NAALADL2: variants seen among roughly 807,000 people sequenced by gnomAD.
NAALADL2 encodes inactive N-acetylated-alpha-linked acidic dipeptidase-like protein 2.
Under a neutral mutation model 87.2 loss-of-function variants are expected in NAALADL2, and 76 were observed. That is an observed-to-expected ratio of 0.87 (90% CI 0.72 to 1.05). The LOEUF (loss-of-function observed/expected upper bound fraction) is 1.05. Ranked by LOEUF, NAALADL2 falls within the 50% of genes least tolerant of loss-of-function variation. NAALADL2 has a pLI of 0.00. For missense variants in NAALADL2, 1,089 were observed against 945.8 expected (o/e 1.15, Z -1.99); for synonymous variants, 354 against 331.0 (o/e 1.07, Z -0.75).
At chr3:175,629,417 A>G (rs1727461842) in intron 11 of NAALADL2, among the ~76,000 whole-genome samples, 1 of 150,508 alleles carries the variant, frequency 6.6e-6, no homozygotes, top group African/African-American at 2.4e-5. Flanking sequence ...ATGAATATAT[A>G]TATTTGTTCA....
At chr3:174,927,532 C>G (rs1295059328) in intron 1 of NAALADL2, among the ~76,000 whole-genome samples, 5 of 152,126 alleles carry the variant, frequency 3.3e-5, no homozygotes, top group Non-Finnish European at 7.3e-5. Flanking sequence ...CACAATCAAA[C>G]TAGAACTCAG....
chr3:174,619,245 G>T (rs1455386115), intron 2 of NAALADL2, among the ~76,000 whole-genome samples: 1 of 151,926 alleles, frequency 6.6e-6, no homozygotes, highest in Non-Finnish European at 1.5e-5. Flanking sequence ...GGTCTGAGCA[G>T]GGTTTTCATT....
chr3:174,555,547 G>C (rs1457817246), intron 2 of NAALADL2, among the ~76,000 whole-genome samples: 2 of 152,024 alleles, frequency 1.3e-5, no homozygotes, highest in Non-Finnish European at 2.9e-5. Context: ...TGGTCCGCCG[G>C]CCTTGGCCTC....
At chr3:174,595,337 T>C (rs1177634575) in intron 2 of NAALADL2, among the ~76,000 whole-genome samples, 1 of 152,176 alleles carries the variant, frequency 6.6e-6, no homozygotes, top group Non-Finnish European at 1.5e-5. Flanking sequence ...CTAGAGAAAG[T>C]AGAATAAGTT....
intron 5 of NAALADL2, among the ~76,000 whole-genome samples, chr3:175,445,335 A>G (rs1434283602): frequency 6.6e-6 from 1 of 152,086 alleles, no homozygotes; most frequent in African/African-American, 2.4e-5. Context: ...TAGTTCATGT[A>G]AATAGTCAAA....
At chr3:174,671,871 T>C (rs1375941136) in intron 2 of NAALADL2, among the ~76,000 whole-genome samples, 2 of 151,998 alleles carry the variant, frequency 1.3e-5, no homozygotes, top group Non-Finnish European at 2.9e-5. Context: ...GATGGTCAAA[T>C]GAAATAATTC....
At chr3:175,015,748 A>G (rs1750728711) in intron 1 of NAALADL2, among the ~76,000 whole-genome samples, 1 of 152,112 alleles carries the variant, frequency 6.6e-6, no homozygotes, top group African/African-American at 2.4e-5. Context: ...AAATAGAATA[A>G]CTTATTTTGA....
intron 9 of NAALADL2, among the ~76,000 whole-genome samples, chr3:175,474,745 C>T (rs1002228181): frequency 6.6e-6 from 1 of 151,874 alleles, no homozygotes; most frequent in Non-Finnish European, 1.5e-5. Flanking sequence ...TTCCCTACCT[C>T]TTCAGTGCCT....
intron 2 of NAALADL2, among the ~76,000 whole-genome samples, chr3:175,117,815 C>G (rs765625772): frequency 6.6e-6 from 1 of 151,978 alleles, no homozygotes; most frequent in African/African-American, 2.4e-5. Flanking sequence ...CATGTGCACA[C>G]GTATGTTTAT....
In NAALADL2 at chr3:174,851,438, C is replaced by T. The variant is rs548650963; in HGVS notation, c.-9+113692C>T. Among the ~76,000 whole-genome samples the T allele has an allele frequency of 8.7e-5, 13 of 150,028 alleles. No individual in the cohort carries two copies. In the South Asian group the frequency reaches 1.3e-3, roughly 15 times the overall value. ...GAGTTGAAAAAGGAGACATTACAACCGATAGCTAAGAAATTCAAAAGATTG... is the reference window on the plus strand; with the variant it reads ...GAGTTGAAAAAGGAGACATTACAACTGATAGCTAAGAAATTCAAAAGATTG... On this transcript the variant is annotated intron_variant, in intron 3 of 3. Transcript: ENST00000434257.
Position 175,463,439 on chromosome 3 carries a change from A to C in NAALADL2, c.1273A>C (p.Lys425Gln). Reference protein sequence around the residue: ...VVSMQVQTVTKLKTVTNVVGF... With the variant: ...VVSMQVQTVTQLKTVTNVVGF... ...CAGCATGCAAGTTCAGACAGTCACA[A>C]AATTGAAAACAGTTACTAATGTTGT... The change falls in exon 7 of 14, where the codon AAA (lysine) becomes CAA (glutamine). Residue 425 changes from lysine to glutamine, a missense_variant. Transcript: ENST00000454872. 2 of 1,600,192 alleles carry C rather than the reference A, an allele frequency of 1.2e-6. No individual in the cohort carries two copies. Among genetic ancestry groups the C allele is most frequent in the Non-Finnish European group, 1.7e-6 (2 of 1,172,680 alleles).
At chr3:174,892,080 G>T (rs1484863810) in intron 1 of NAALADL2, among the ~76,000 whole-genome samples, 1 of 152,052 alleles carries the variant, frequency 6.6e-6, no homozygotes, top group South Asian at 2.1e-4. Flanking sequence ...CAAATATCTA[G>T]AAAGTTTTCC....
intron 2 of NAALADL2, among the ~76,000 whole-genome samples, chr3:174,652,241 A>G (rs1379432454): frequency 6.6e-6 from 1 of 152,196 alleles, no homozygotes; most frequent in African/African-American, 2.4e-5. Flanking sequence ...CTGTCAGTTA[A>G]TTATACTCTG....
At chr3:175,693,781 C>A (rs1737364804) in intron 11 of NAALADL2, among the ~76,000 whole-genome samples, 1 of 152,166 alleles carries the variant, frequency 6.6e-6, no homozygotes, top group South Asian at 2.1e-4. Context: ...TCACTGCAAC[C>A]TCCCCGACCC....
At chr3:174,786,857 T>A (rs1035509048) in intron 3 of NAALADL2, among the ~76,000 whole-genome samples, 3 of 152,110 alleles carry the variant, frequency 2.0e-5, no homozygotes, top group Admixed American at 6.6e-5. Flanking sequence ...AAAAATTAAA[T>A]TGTCGTCTTC....
intron 2 of NAALADL2, among the ~76,000 whole-genome samples, chr3:175,108,836 T>C (rs1465636551): frequency 6.6e-6 from 1 of 151,914 alleles, no homozygotes; most frequent in East Asian, 1.9e-4. Context: ...ATTTATTCTA[T>C]TCCATTGGGA....
At chr3:175,743,680 C>A (rs1367724000) in intron 12 of NAALADL2, among the ~76,000 whole-genome samples, 1 of 152,050 alleles carries the variant, frequency 6.6e-6, no homozygotes, top group East Asian at 1.9e-4. Flanking sequence ...GAGGTAGGAC[C>A]AATAGACTTC....
At chr3:175,334,987 G>T (rs1290018629) in intron 5 of NAALADL2, among the ~76,000 whole-genome samples, 2 of 152,112 alleles carry the variant, frequency 1.3e-5, no homozygotes, top group Non-Finnish European at 2.9e-5. Flanking sequence ...TGTGAAGACT[G>T]GATGACTGAG....
chr3:175,634,631 A>G (rs1394460290), intron 11 of NAALADL2, among the ~76,000 whole-genome samples: 1 of 152,014 alleles, frequency 6.6e-6, no homozygotes, highest in Non-Finnish European at 1.5e-5. Context: ...TTAAATGCTT[A>G]GAAAGCCTGG....
Sources: allele counts gnomAD v4.1 joint callset (sites outside exome capture counted in the v4.1 genomes callset), GRCh38; gene constraint gnomAD v4.1.1; transcripts MANE v1.5; gene names NCBI Gene and HGNC (gene_info 2026-07-23, HGNC 2026-07-21).